The following TRPC5 variants were observed in gnomAD, a reference collection of about 807,000 sequenced individuals.
TRPC5 encodes the protein short transient receptor potential channel 5.
A neutral mutation model predicts 56.5 loss-of-function variants in TRPC5; 9 were observed. That is an observed-to-expected ratio of 0.16 (90% CI 0.10 to 0.28). TRPC5 has a LOEUF of 0.28. Ranked by LOEUF, TRPC5 falls within the 10% of genes least tolerant of loss-of-function variation. The probability of loss-of-function intolerance (pLI) is 1.00; values close to 1 mark genes in which losing one functional copy is unlikely to be tolerated. For missense variants in TRPC5, 469 were observed against 748.9 expected (o/e 0.63, Z 4.36); for synonymous variants, 282 against 278.5 (o/e 1.01, Z -0.13).
Position 111,788,114 on chromosome X carries a change from A to G in TRPC5, c.1897-5976T>C, listed in dbSNP as rs5985650. On this transcript the variant is annotated intron_variant, in intron 7 of 10. Transcript: ENST00000262839. Reference sequence around the variant, plus strand: ...AGCCGGGCAGAGATACAACAAAAAAAGAGAATTTCAGACCAATATCCCTGA... The same window carrying G: ...AGCCGGGCAGAGATACAACAAAAAAGGAGAATTTCAGACCAATATCCCTGA... Among the ~76,000 whole-genome samples the G allele has an allele frequency of 8.9e-3, 1,000 of 112,004 alleles. 17 individuals are homozygous for G. Among genetic ancestry groups the G allele is most frequent in the African/African-American group, 0.03 (920 of 30,714 alleles).
intron 1 of TRPC5, among the ~76,000 whole-genome samples, chrX:112,024,922 G>T (rs1208123761): frequency 8.9e-6 from 1 of 111,937 alleles, no homozygotes; most frequent in Admixed American, 9.5e-5. Context: ...CTCACTCTAT[G>T]CCTATGCCAT....
At chrX:111,958,584 A>G (rs1480735773) in intron 1 of TRPC5, among the ~76,000 whole-genome samples, 1 of 112,323 alleles carries the variant, frequency 8.9e-6, no homozygotes, top group Non-Finnish European at 1.9e-5. Flanking sequence ...CCACATCCCC[A>G]CGCAGTCATG....
At chrX:111,869,594 T>G (rs1414564391) in intron 3 of TRPC5, among the ~76,000 whole-genome samples, 1 of 112,504 alleles carries the variant, frequency 8.9e-6, no homozygotes, top group Middle Eastern at 4.6e-3. Flanking sequence ...GAACGCATAT[T>G]TTTTTAAAGT....
intron 2 of TRPC5, among the ~76,000 whole-genome samples, chrX:111,937,892 G>A (rs1603107498): frequency 9.5e-6 from 1 of 105,529 alleles, no homozygotes; most frequent in East Asian, 3.0e-4. Context: ...GAAAGTCATT[G>A]GTAGCTTGAT....
chrX:111,937,659 T>C (rs759110440), intron 2 of TRPC5, among the ~76,000 whole-genome samples: 9,655 of 102,417 alleles, frequency 0.094, 732 homozygotes, highest in African/African-American at 0.24. Context: ...TAGTTGTAGA[T>C]ATGCGGCGTT....
chrX:111,950,295 A>C (rs1338124473), intron 2 of TRPC5, among the ~76,000 whole-genome samples: 1 of 109,572 alleles, frequency 9.1e-6, no homozygotes, highest in African/African-American at 3.4e-5. Flanking sequence ...ACTGCACTCC[A>C]GCCTGGGTGA....
intron 1 of TRPC5, among the ~76,000 whole-genome samples, chrX:112,071,322 A>G (rs1930714484): frequency 1.1e-5 from 1 of 93,156 alleles, no homozygotes; most frequent in South Asian, 4.1e-4. Flanking sequence ...ATAAATAAAT[A>G]AATAAATAAA....
chrX:111,823,652 A>G (rs3027741), intron 7 of TRPC5, among the ~76,000 whole-genome samples: 24,813 of 110,322 alleles, frequency 0.22, 6,408 homozygotes, highest in African/African-American at 0.75. Flanking sequence ...AGAAAAAGAG[A>G]GCTAGTTGGC....
chrX:112,010,239 A>G (rs1217447821), intron 1 of TRPC5, among the ~76,000 whole-genome samples: 1 of 112,196 alleles, frequency 8.9e-6, no homozygotes, highest in Non-Finnish European at 1.9e-5. Context: ...AGATAATTAC[A>G]GCTTTCCCAC....
intron 1 of TRPC5, among the ~76,000 whole-genome samples, chrX:111,971,113 T>G (rs1278451399): frequency 1.8e-5 from 2 of 111,389 alleles, no homozygotes; most frequent in Non-Finnish European, 3.8e-5. Context: ...TTTCCTTTTC[T>G]GAAAAATGAG....
At chrX:112,063,434 T>C (rs546756792) in intron 1 of TRPC5, among the ~76,000 whole-genome samples, 75 of 112,837 alleles carry the variant, frequency 6.6e-4, no homozygotes, top group African/African-American at 2.3e-3. Flanking sequence ...GCATAGCCTG[T>C]CTGCCTGATA....
chrX:111,894,523 G>A (rs768736470), intron 3 of TRPC5, among the ~76,000 whole-genome samples: 1 of 111,146 alleles, frequency 9.0e-6, no homozygotes, highest in South Asian at 3.9e-4. Flanking sequence ...TTAAAAACTC[G>A]GCCTAGCTAT....
chrX:112,078,761 C>T (rs1267966450), intron 1 of TRPC5, among the ~76,000 whole-genome samples: 2 of 111,986 alleles, frequency 1.8e-5, no homozygotes, highest in Non-Finnish European at 3.8e-5. Context: ...CTCAGTTGAG[C>T]ATGATGTACA....
chrX:111,821,748 G>A (rs1188427155), intron 7 of TRPC5, among the ~76,000 whole-genome samples: 4 of 112,634 alleles, frequency 3.6e-5, no homozygotes, highest in African/African-American at 1.3e-4. Flanking sequence ...TAAGGCAGAA[G>A]CCAAGAAGAA....
chrX:111,794,217 T>C, intron 7 of TRPC5, among the ~76,000 whole-genome samples: 1 of 111,766 alleles, frequency 8.9e-6, no homozygotes, highest in Non-Finnish European at 1.9e-5. Context: ...GTAAGACTTA[T>C]TTTTTTAAAT....
At chrX:112,053,867 A>T (rs1930278002) in intron 1 of TRPC5, among the ~76,000 whole-genome samples, 1 of 112,175 alleles carries the variant, frequency 8.9e-6, no homozygotes, top group Non-Finnish European at 1.9e-5. Flanking sequence ...GCTTAACATC[A>T]TAAAACAGTT....
At chrX:111,791,304 G>A (rs1946019431) in intron 7 of TRPC5, among the ~76,000 whole-genome samples, 1 of 111,279 alleles carries the variant, frequency 9.0e-6, no homozygotes. Flanking sequence ...CCTAGTCCTG[G>A]CACAATGGAT....
chrX:111,865,225 C>G (rs1923514976), intron 3 of TRPC5, among the ~76,000 whole-genome samples: 1 of 109,679 alleles, frequency 9.1e-6, no homozygotes, highest in Admixed American at 9.8e-5. Context: ...CATGTTACCC[C>G]CCCCAGCCTG....
chrX:111,935,315 A>C (rs1288557955), intron 2 of TRPC5, among the ~76,000 whole-genome samples: 1 of 111,847 alleles, frequency 8.9e-6, no homozygotes, highest in Non-Finnish European at 1.9e-5. Context: ...TAGGAAGACT[A>C]ATCGTTTTTT....
Sources: allele counts gnomAD v4.1 joint callset (sites outside exome capture counted in the v4.1 genomes callset), GRCh38; gene constraint gnomAD v4.1.1; transcripts MANE v1.5; gene names NCBI Gene and HGNC (gene_info 2026-07-23, HGNC 2026-07-21).